Variants in PIP5K1C observed in about 807,000 individuals in gnomAD.
PIP5K1C encodes phosphatidylinositol 4-phosphate 5-kinase type-1 gamma.
Under a neutral mutation model 80.1 loss-of-function variants are expected in PIP5K1C, and 45 were observed. The observed-to-expected ratio is 0.56, with a 90% CI of 0.44 to 0.72. The LOEUF (loss-of-function observed/expected upper bound fraction) is 0.72, where lower values mean the gene tolerates loss of function less well. Among genes scored for constraint, PIP5K1C ranks in the 30% least tolerant of loss-of-function variants. The pLI, the probability that PIP5K1C is intolerant of heterozygous loss-of-function variation, is 0.00. For missense variants in PIP5K1C, 753 were observed against 954.6 expected (o/e 0.79, Z 2.78); for synonymous variants, 498 against 420.1 (o/e 1.19, Z -2.27).
rs2035849577 is a variant in PIP5K1C at position 3,688,705 on chromosome 19, C to T, written c.94+11592G>A. 6.6e-6 allele frequency among the ~76,000 whole-genome samples: 1 copy of T among 151,960 alleles called. No homozygotes were observed. Among genetic ancestry groups the T allele is most frequent in the African/African-American group, 2.4e-5 (1 of 41,346 alleles). On this transcript the variant is annotated intron_variant, in intron 1 of 17. Transcript: ENST00000335312. This position sits in a 1 kb window ranked among gnomAD's most constrained non-coding sequence, Gnocchi z 5.3. Reference sequence around the variant, plus strand: ...ATGGAGAAACCCGTAGTGAGAGAAGCTTTGCTCAAACAGGACTGAGAGCGG... The same window carrying T: ...ATGGAGAAACCCGTAGTGAGAGAAGTTTTGCTCAAACAGGACTGAGAGCGG...
intron 15 of PIP5K1C, among the ~76,000 whole-genome samples, chr19:3,640,844 G>A (rs1329416802): frequency 3.3e-5 from 5 of 151,570 alleles, no homozygotes; most frequent in Admixed American, 6.6e-5. Context: ...CCACCACCAC[G>A]CCCGGCTAAT....
chr19:3,640,626 T>C (rs763966893), intron 15 of PIP5K1C, among the ~76,000 whole-genome samples: 2 of 151,916 alleles, frequency 1.3e-5, no homozygotes, highest in Non-Finnish European at 2.9e-5. Context: ...TTTTCTTCAA[T>C]ACAAAAATCA....
chr19:3,647,752 G>C (rs532360999), intron 9 of PIP5K1C, among the ~76,000 whole-genome samples: 11 of 152,276 alleles, frequency 7.2e-5, no homozygotes, highest in African/African-American at 2.2e-4. Flanking sequence ...TTCAAGACCA[G>C]CCTGGCCAAC....
At position 3,637,231 on chromosome 19, in the gene PIP5K1C, G is replaced by T. The variant is rs1323135033; in HGVS notation, c.1920+1653C>A. 1 of 1,441,562 alleles carries T rather than the reference G, an allele frequency of 6.9e-7. No homozygotes were observed. Among genetic ancestry groups the T allele is most frequent in the Non-Finnish European group, 9.1e-7 (1 of 1,101,562 alleles). The allele number at this position is 1,441,562 out of a possible 1,614,324, so 89.3% of individuals were successfully genotyped here. A position where few individuals can be genotyped will look rare whatever the true frequency, so the allele number is the denominator to read the frequency against. On this transcript the variant is annotated intron_variant, in intron 16 of 17. Coordinates refer to ENST00000335312, the MANE Select transcript of PIP5K1C (RefSeq NM_012398.3). This position sits in a 1 kb window ranked among gnomAD's most constrained non-coding sequence, Gnocchi z 7.0. ...AGGGCTGGGTCCAGGGGCAGAGAGG[G>T]GCTCGCTGGGGTCTGGCCGGGGTCC...
In PIP5K1C at chr19:3,656,390, G is replaced by A. The variant is rs201887341; in HGVS notation, c.621+15C>T. 397 of 1,612,574 alleles carry A rather than the reference G, an allele frequency of 2.5e-4. No individual in the cohort carries two copies. The highest frequency in any genetic ancestry group is 3.0e-4 in the Non-Finnish European group (358 of 1,179,682). On this transcript the variant is annotated intron_variant, in intron 6 of 17. Coordinates refer to ENST00000335312, the MANE Select transcript of PIP5K1C (RefSeq NM_012398.3). ...TGACCGAGGAGCCATCTGCCCCGCA[G>A]GGCGGGCCACGCACCATGTAGTAGC...
chr19:3,637,725 G>A lies in PIP5K1C; in HGVS notation c.1920+1159C>T. Reference sequence around the variant, plus strand: ...AGGCGGAGGGAGGTGGCGGGGAGCAGGTGGGGACAGCTGACTGCCAAGCAG... The same window carrying A: ...AGGCGGAGGGAGGTGGCGGGGAGCAAGTGGGGACAGCTGACTGCCAAGCAG... On this transcript the variant is annotated intron_variant, in intron 16 of 17. Coordinates refer to ENST00000335312, the MANE Select transcript of PIP5K1C (RefSeq NM_012398.3). This position sits in a 1 kb window ranked among gnomAD's most constrained non-coding sequence, Gnocchi z 7.0. 2 of 1,519,824 alleles carry A rather than the reference G, an allele frequency of 1.3e-6. No homozygotes were observed. The highest frequency in any genetic ancestry group is 2.5e-5 in the South Asian group (2 of 81,582). 94.1% of individuals were successfully genotyped at this position (1,519,824 alleles called of 1,614,324 possible).
rs115132885 is a variant in PIP5K1C at position 3,648,082 on chromosome 19, G to A, written c.1211+543C>T. The stretch of plus-strand genomic sequence containing the variant: ...TGTCACCCAGCCTGGGGTGCAGTAC[G>A]GCCATCATAGCTCACTGCTGCAGCC... On this transcript the variant is annotated intron_variant, in intron 9 of 17. Transcript: ENST00000335312. The surrounding 1 kb of genome is among the most constrained non-coding windows in gnomAD (Gnocchi z 4.3). 3.3e-5 allele frequency among the ~76,000 whole-genome samples: 5 copies of A among 151,960 alleles called. No homozygotes were observed. Among genetic ancestry groups the A allele is most frequent in the South Asian group, 2.1e-4 (1 of 4,810 alleles).
chr19:3,646,530 C>T (rs951715987), intron 10 of PIP5K1C, among the ~76,000 whole-genome samples: 15 of 152,236 alleles, frequency 9.9e-5, no homozygotes, highest in East Asian at 9.6e-4. Context: ...AGGTGGTGCC[C>T]GGCCACTCTG....
intron 15 of PIP5K1C, among the ~76,000 whole-genome samples, chr19:3,640,156 G>A (rs913560237): frequency 1.3e-5 from 2 of 152,162 alleles, no homozygotes; most frequent in African/African-American, 4.8e-5. Context: ...TCATTACAAA[G>A]GCAAGAAGAA....
chr19:3,634,871 C>T (rs760180032), intron 16 of PIP5K1C, among the ~76,000 whole-genome samples: 6 of 152,254 alleles, frequency 3.9e-5, no homozygotes, highest in Admixed American at 2.6e-4. Flanking sequence ...TCCTGCCCTG[C>T]GAGGCCGCAT....
chr19:3,686,689 G>C (rs1196323029), intron 1 of PIP5K1C, among the ~76,000 whole-genome samples: 1 of 151,824 alleles, frequency 6.6e-6, no homozygotes, highest in Non-Finnish European at 1.5e-5. Context: ...TTGCACTCCA[G>C]CCTGGGCAAC....
chr19:3,650,779 A>G (rs2034411975), intron 8 of PIP5K1C, among the ~76,000 whole-genome samples: 1 of 152,092 alleles, frequency 6.6e-6, no homozygotes, highest in African/African-American at 2.4e-5. Context: ...CTTTTTGGAC[A>G]GAGTTTAGCT....
At chr19:3,666,334 T>C (rs919952562) in intron 2 of PIP5K1C, among the ~76,000 whole-genome samples, 2 of 152,050 alleles carry the variant, frequency 1.3e-5, no homozygotes, top group Non-Finnish European at 2.9e-5. Flanking sequence ...CTGCGCCCAC[T>C]GGGGCTGGGA....
Position 3,644,068 on chromosome 19 carries a change from T to C in PIP5K1C, c.1510+19A>G, listed in dbSNP as rs1199816099. 4 of 1,609,476 alleles carry C rather than the reference T, an allele frequency of 2.5e-6. No homozygotes were observed. In the African/African-American group the frequency reaches 4.0e-5, roughly 16 times the overall value. On this transcript the variant is annotated intron_variant, in intron 12 of 17. Transcript: ENST00000335312. ...CCCCCTGTAGCGCCCACAAGCGCAC[T>C]CTGCCCTCTGCCCCTCACCTTCGTC...
chr19:3,691,168 A>G (rs1255746427), intron 1 of PIP5K1C, among the ~76,000 whole-genome samples: 1 of 152,232 alleles, frequency 6.6e-6, no homozygotes, highest in Non-Finnish European at 1.5e-5. Context: ...GAAGACGAAT[A>G]TACGCTGCAA....
Position 3,688,646 on chromosome 19 carries a change from G to A in PIP5K1C, c.94+11651C>T, listed in dbSNP as rs919125111. ...CCAGGCATTGTCCTCAGGTGGTTTC[G>A]TGTCCCTCAGGGCTAGAGACCCGGA... On this transcript the variant is annotated intron_variant, in intron 1 of 17. Coordinates refer to ENST00000335312, the MANE Select transcript of PIP5K1C (RefSeq NM_012398.3). The surrounding 1 kb of genome is among the most constrained non-coding windows in gnomAD (Gnocchi z 5.3). 2.6e-5 allele frequency among the ~76,000 whole-genome samples: 4 copies of A among 152,120 alleles called. No homozygotes were observed. The highest frequency in any genetic ancestry group is 4.4e-5 in the Non-Finnish European group (3 of 68,026).
chr19:3,661,966 C>T lies in PIP5K1C; in HGVS notation c.255G>A (p.Leu85=). The change falls in exon 4 of 18, where the codon CTG becomes CTA. Residue 85 remains leucine, a synonymous_variant. Coordinates refer to ENST00000335312, the MANE Select transcript of PIP5K1C (RefSeq NM_012398.3). ...GGTGGCCCACGGTGTAGCCGATGCC[C>T]AGCTGGATGGCACCCTTCAGGGTGG... ...TSSTLKGAIQ[L]GIGYTVGHLS... 6.2e-7 allele frequency: 1 copy of T among 1,608,970 alleles called. No individual in the cohort carries two copies. The highest frequency in any genetic ancestry group is 8.5e-7 in the Non-Finnish European group (1 of 1,178,530).
At chr19:3,644,470 CTA>C (rs2034126475) in intron 11 of PIP5K1C, among the ~76,000 whole-genome samples, 1 of 152,184 alleles carries the variant, frequency 6.6e-6, no homozygotes, top group South Asian at 2.1e-4. Context: ...CCGACTGTCT[CTA>C]TGAGACACAC....
At chr19:3,687,548 C>CAT in intron 1 of PIP5K1C, among the ~76,000 whole-genome samples, 1 of 145,978 alleles carries the variant, frequency 6.9e-6, no homozygotes, top group Non-Finnish European at 1.5e-5. Flanking sequence ...CATACATGCA[C>CAT]ACATGCACAC....
Sources: gnomAD v4.1 joint callset for allele counts (sites outside exome capture counted in the v4.1 genomes callset) on GRCh38, gnomAD v4.1.1 for gene constraint, Gnocchi (gnomAD v3.1) non-coding constraint, MANE v1.5 for transcripts, NCBI Gene and HGNC (gene_info 2026-07-23, HGNC 2026-07-21) for gene names.